Variants in USH2A observed in about 807,000 individuals in gnomAD.
USH2A encodes the protein Usher syndrome 2A (autosomal recessive, mild).
In USH2A, 443 loss-of-function variants were observed where a neutral mutation model predicts 538.9. The ratio of observed to expected loss-of-function variants is 0.82; its 90% CI spans 0.76 to 0.89. The LOEUF (loss-of-function observed/expected upper bound fraction) is 0.89, where lower values mean the gene tolerates loss of function less well. Among genes scored for constraint, USH2A ranks in the 40% least tolerant of loss-of-function variants. USH2A has a pLI of 0.00. For synonymous variants in USH2A, 2,413 were observed against 2,273.5 expected (o/e 1.06, Z -1.75); for missense variants, 6,633 against 6,324.8 (o/e 1.05, Z -1.65).
intron 32 of USH2A, among the ~76,000 whole-genome samples, chr1:216,039,926 G>C (rs896413863): frequency 6.6e-6 from 1 of 151,856 alleles, no homozygotes; most frequent in Non-Finnish European, 1.5e-5. Context: ...AGCACTTTTA[G>C]TTGGTTAGAC....
chr1:216,151,814 G>A (rs1343747721), intron 21 of USH2A, among the ~76,000 whole-genome samples: 2 of 152,190 alleles, frequency 1.3e-5, no homozygotes, highest in Non-Finnish European at 2.9e-5. Flanking sequence ...AACCAAGCAA[G>A]TAATTACGCT....
chr1:216,126,348 C>T (rs778446481), intron 21 of USH2A, among the ~76,000 whole-genome samples: 2 of 152,104 alleles, frequency 1.3e-5, no homozygotes, highest in Non-Finnish European at 2.9e-5. Flanking sequence ...ATCAGCCTCC[C>T]GGGTAACTGG....
chr1:215,697,038 G>A (rs1658837379), intron 61 of USH2A, among the ~76,000 whole-genome samples: 1 of 151,604 alleles, frequency 6.6e-6, no homozygotes, highest in Non-Finnish European at 1.5e-5. Context: ...CTGCAGCCTT[G>A]ACCTCCTGGG....
intron 61 of USH2A, among the ~76,000 whole-genome samples, chr1:215,689,360 CTT>C (rs1658528243): frequency 6.6e-6 from 1 of 152,196 alleles, no homozygotes; most frequent in South Asian, 2.1e-4. Context: ...CATATGATCT[CTT>C]GATTTTCCCT....
intron 64 of USH2A, among the ~76,000 whole-genome samples, chr1:215,655,159 C>A (rs796598532): frequency 7.9e-5 from 12 of 152,156 alleles, no homozygotes; most frequent in African/African-American, 2.9e-4. Context: ...GCTTTTTACA[C>A]CCAATATTAT....
intron 21 of USH2A, among the ~76,000 whole-genome samples, chr1:216,171,018 C>T (rs1029684112): frequency 6.6e-6 from 1 of 151,148 alleles, no homozygotes; most frequent in Non-Finnish European, 1.5e-5. Flanking sequence ...TAATTTTCTG[C>T]TTTTTTTATA....
chr1:215,955,732 GAGTAA>G (rs1181437494), intron 37 of USH2A, among the ~76,000 whole-genome samples: 1 of 151,970 alleles, frequency 6.6e-6, no homozygotes, highest in East Asian at 1.9e-4. Context: ...ACTAATAATT[GAGTAA>G]AGTAACACAT....
At chr1:216,196,439 C>T in intron 19 of USH2A, 114 bp downstream of exon 19, 1 of 1,149,956 alleles carries the variant, frequency 8.7e-7, no homozygotes, top group Non-Finnish European at 1.3e-6. Context: ...GAAAAAATGC[C>T]CTGTTTAATC....
chr1:215,965,976 T>C (rs28378306), intron 36 of USH2A, among the ~76,000 whole-genome samples: 2,512 of 150,822 alleles, frequency 0.017, 66 homozygotes, highest in African/African-American at 0.059. Flanking sequence ...TGCATACATG[T>C]GTGTACAGGC....
intron 21 of USH2A, among the ~76,000 whole-genome samples, chr1:216,135,706 TATGTATTCAATG>T (rs1237278566): frequency 1.3e-5 from 2 of 152,152 alleles, no homozygotes; most frequent in South Asian, 2.1e-4. Flanking sequence ...ACATGATTGG[TATGTATTCAATG>T]ATGTATTCAT....
intron 11 of USH2A, among the ~76,000 whole-genome samples, chr1:216,282,675 T>A (rs2036805673): frequency 1.3e-5 from 2 of 152,236 alleles, no homozygotes; most frequent in Admixed American, 6.5e-5. Flanking sequence ...ACTCTTTTTT[T>A]ATAAGGTTAT....
chr1:215,826,912 A>G (rs1663173059), intron 47 of USH2A, among the ~76,000 whole-genome samples: 1 of 152,204 alleles, frequency 6.6e-6, no homozygotes, highest in Non-Finnish European at 1.5e-5. Flanking sequence ...ATCAGTGTTT[A>G]ATAAACTTAG....
At chr1:216,101,415 T>G (rs905708346) in intron 21 of USH2A, among the ~76,000 whole-genome samples, 5 of 152,222 alleles carry the variant, frequency 3.3e-5, no homozygotes, top group African/African-American at 4.8e-5. Flanking sequence ...TCCCAACTAT[T>G]GACTTAGGCT....
At chr1:215,862,107 G>A (rs1272583382) in intron 44 of USH2A, among the ~76,000 whole-genome samples, 1 of 151,966 alleles carries the variant, frequency 6.6e-6, no homozygotes, top group African/African-American at 2.4e-5. Flanking sequence ...CAAAGTGCTG[G>A]GATTACAGGC....
chr1:216,172,649 G>A (rs2034294618), intron 21 of USH2A, among the ~76,000 whole-genome samples: 1 of 151,870 alleles, frequency 6.6e-6, no homozygotes, highest in South Asian at 2.1e-4. Flanking sequence ...TAAACATCTA[G>A]CTTCTAGTAA....
At chr1:215,714,466 C>T (rs1259385089) in intron 61 of USH2A, among the ~76,000 whole-genome samples, 1 of 152,088 alleles carries the variant, frequency 6.6e-6, no homozygotes, top group African/African-American at 2.4e-5. Context: ...GCCATTTGTG[C>T]CATGAGGAAA....
At chr1:216,294,973 A>G (rs763356753) in intron 9 of USH2A, among the ~76,000 whole-genome samples, 23 of 151,836 alleles carry the variant, frequency 1.5e-4, no homozygotes, top group Non-Finnish European at 3.1e-4. Flanking sequence ...TCATAATTTT[A>G]AATATACAGT....
At chr1:215,997,297 A>G (rs953929539) in intron 34 of USH2A, among the ~76,000 whole-genome samples, 1 of 152,148 alleles carries the variant, frequency 6.6e-6, no homozygotes, top group African/African-American at 2.4e-5. Context: ...TCACATCTTT[A>G]TAACATCTTG....
At chr1:216,340,050 G>GT (rs918312012) in intron 4 of USH2A, among the ~76,000 whole-genome samples, 8 of 151,064 alleles carry the variant, frequency 5.3e-5, no homozygotes, top group East Asian at 3.9e-4. Context: ...TCCAGGAGCT[G>GT]TTTTTTTTGA....
Sources: allele counts gnomAD v4.1 joint callset (sites outside exome capture counted in the v4.1 genomes callset), GRCh38; gene constraint gnomAD v4.1.1; transcripts MANE v1.5; gene names NCBI Gene and HGNC (gene_info 2026-07-23, HGNC 2026-07-21).